The following MTMR3 variants were observed in gnomAD, a reference collection of about 807,000 sequenced individuals.
MTMR3 encodes myotubularin related protein 3, also known as phosphatidylinositol-3,5-bisphosphate 3-phosphatase MTMR3.
In MTMR3, 32 loss-of-function variants were observed where a neutral mutation model predicts 132.4. The ratio of observed to expected loss-of-function variants is 0.24; its 90% confidence interval spans 0.18 to 0.32. MTMR3 has a LOEUF of 0.32. Ranked by LOEUF, MTMR3 falls within the 10% of genes least tolerant of loss-of-function variation. The pLI is 1.00. For missense variants in MTMR3, 1,216 were observed against 1,489.6 expected, an observed-to-expected ratio of 0.82 and a Z score of 3.02; for synonymous variants, 556 against 550.3, an observed-to-expected ratio of 1.01 and a Z score of -0.14.
chr22:29,895,364 T>C (rs1402159242), intron 1 of MTMR3, among the ~76,000 whole-genome samples: 1 of 152,174 alleles, frequency 6.6e-6, no homozygotes, highest in East Asian at 1.9e-4. Context: ...AATCAACACA[T>C]TTTTACCGAT....
intron 1 of MTMR3, among the ~76,000 whole-genome samples, chr22:29,933,735 T>TG (rs1226420404): frequency 1.4e-5 from 2 of 145,546 alleles, no homozygotes; most frequent in Non-Finnish European, 3.0e-5. Context: ...AGTTCTGTGT[T>TG]TTTTTTTTTT....
chr22:29,894,357 T>G (rs2064853435), intron 1 of MTMR3, among the ~76,000 whole-genome samples: 1 of 152,138 alleles, frequency 6.6e-6, no homozygotes, highest in Non-Finnish European at 1.5e-5. Context: ...TGGGATTTGA[T>G]CACAATTAAA....
chr22:29,925,558 T>A (rs1444469429), intron 1 of MTMR3, among the ~76,000 whole-genome samples: 53 of 143,046 alleles, frequency 3.7e-4, no homozygotes, highest in South Asian at 6.5e-4. Flanking sequence ...TTGTTTTCTT[T>A]AAAAAAAAAA....
chr22:30,019,618 G>A lies in MTMR3; in HGVS notation c.1959G>A (p.Leu653=). ...EHRRSLELSS[L]AGPGEDPLSA... ...GGCGCTCACTAGAGCTGAGCAGCCT[G>A]GCTGGCCCTGGAGAGGATCCCCTTT... is the stretch of plus-strand genomic sequence containing the variant. The change falls in exon 17 of 20, where the codon CTG becomes CTA. Residue 653 remains leucine, a synonymous_variant. Transcript: ENST00000401950. 1 of 1,614,156 alleles carries A rather than the reference G, an allele frequency of 6.2e-7. No homozygotes were observed. Among genetic ancestry groups the A allele is most frequent in the Non-Finnish European group, 8.5e-7 (1 of 1,180,038 alleles).
At chr22:29,950,039 T>C (rs1469769975) in intron 1 of MTMR3, among the ~76,000 whole-genome samples, 2 of 152,192 alleles carry the variant, frequency 1.3e-5, no homozygotes, top group African/African-American at 4.8e-5. Flanking sequence ...AGGACATGAA[T>C]GAGTGTGCAA....
At chr22:29,979,507 AAC>A in intron 5 of MTMR3, 1 of 239,750 alleles carries the variant, frequency 4.2e-6, no homozygotes, top group Non-Finnish European at 8.2e-6. Flanking sequence ...ACAAACAAAC[AAC>A]AACAACAAAA....
intron 2 of MTMR3, among the ~76,000 whole-genome samples, chr22:29,964,954 CT>C (rs1340928234): frequency 6.6e-6 from 1 of 152,050 alleles, no homozygotes; most frequent in Non-Finnish European, 1.5e-5. Flanking sequence ...TGGTTTCCTC[CT>C]TTTAGTTCTT....
At chr22:29,944,448 A>G (rs2065916899) in intron 1 of MTMR3, among the ~76,000 whole-genome samples, 1 of 152,034 alleles carries the variant, frequency 6.6e-6, no homozygotes, top group Admixed American at 6.6e-5. Context: ...ATAATAGGGG[A>G]AAAAGTCAGA....
chr22:30,024,040 A>T (rs1259299447), intron 19 of MTMR3: 1 of 153,302 alleles, frequency 6.5e-6, no homozygotes, highest in Non-Finnish European at 1.5e-5. Context: ...TACGCCTATA[A>T]TCCTAGCACT....
At chr22:29,893,296 T>G (rs374103825) in intron 1 of MTMR3, among the ~76,000 whole-genome samples, 2 of 152,216 alleles carry the variant, frequency 1.3e-5, no homozygotes, top group South Asian at 2.1e-4. Flanking sequence ...TAAGATACTT[T>G]CATGGTGACA....
chr22:29,950,438 A>G (rs910552870), intron 1 of MTMR3, among the ~76,000 whole-genome samples: 1 of 151,836 alleles, frequency 6.6e-6, no homozygotes, highest in Non-Finnish European at 1.5e-5. Flanking sequence ...ATCTCAGCTC[A>G]CTGCAACCTC....
chr22:29,899,573 T>C (rs1189993895), intron 1 of MTMR3: 1 of 152,230 alleles, frequency 6.6e-6, no homozygotes, highest in African/African-American at 2.4e-5. Context: ...TAAATAATAC[T>C]ACTGTAATAA....
chr22:29,906,286 GTCTATCTATCTATCTA>G (rs369642536), intron 1 of MTMR3, among the ~76,000 whole-genome samples: 7 of 74,530 alleles, frequency 9.4e-5, no homozygotes, highest in South Asian at 8.1e-4. Flanking sequence ...CTGTCTGTCT[GTCTATCTATCTATCTA>G]TCTATCTATC....
intron 1 of MTMR3, among the ~76,000 whole-genome samples, chr22:29,921,067 A>G (rs2065402811): frequency 6.6e-6 from 1 of 151,962 alleles, no homozygotes; most frequent in Non-Finnish European, 1.5e-5. Flanking sequence ...TTTGTTTTGT[A>G]TTGCTGTGAA....
intron 7 of MTMR3, chr22:29,998,110 AC>A (rs2067098283): frequency 6.6e-6 from 1 of 152,230 alleles, no homozygotes; most frequent in African/African-American, 2.4e-5. Flanking sequence ...CCAGTGTAGG[AC>A]AAGAGCATGG....
intron 1 of MTMR3, among the ~76,000 whole-genome samples, chr22:29,939,691 A>G (rs930418519): frequency 1.3e-5 from 2 of 151,830 alleles, no homozygotes; most frequent in African/African-American, 4.8e-5. Context: ...GTAGACTTTC[A>G]GATGAGATTG....
chr22:29,896,262 A>AG (rs2064893386), intron 1 of MTMR3, among the ~76,000 whole-genome samples: 1 of 152,196 alleles, frequency 6.6e-6, no homozygotes, highest in Admixed American at 6.6e-5. Context: ...GTGAGCCCAG[A>AG]TCACACCACT....
intron 5 of MTMR3, chr22:29,982,503 T>C (rs1334263344): frequency 6.6e-6 from 1 of 152,202 alleles, no homozygotes; most frequent in Non-Finnish European, 1.5e-5. Context: ...AATGTTATTT[T>C]ATCTATATCA....
At chr22:29,986,511 T>TC (rs1392034606) in intron 5 of MTMR3, 12 of 904,204 alleles carry the variant, frequency 1.3e-5, no homozygotes, top group Non-Finnish European at 1.2e-5. Context: ...TGTTTTTTTT[T>TC]TTCCTTCTTA....
Sources: gnomAD v4.1 joint callset for allele counts (sites outside exome capture counted in the v4.1 genomes callset) on GRCh38, gnomAD v4.1.1 for gene constraint, MANE v1.5 for transcripts, NCBI Gene and HGNC (gene_info 2026-07-23, HGNC 2026-07-21) for gene names.